The following NMT2 variants were observed in gnomAD, a reference collection of about 807,000 sequenced individuals.
NMT2 encodes glycylpeptide N-tetradecanoyltransferase 2.
Under a neutral mutation model 65.4 loss-of-function variants are expected in NMT2, and 35 were observed. The observed-to-expected ratio is 0.54, with a 90% CI of 0.41 to 0.71. The LOEUF is 0.71. NMT2 is among the 30% of genes least tolerant of loss of function. NMT2 has a pLI of 0.00. For missense variants in NMT2, 489 were observed against 611.3 expected (o/e 0.80, Z 2.11); for synonymous variants, 226 against 231.8 (o/e 0.98, Z 0.23).
chr10:15,114,528 A>G (rs1037412301), intron 9 of NMT2, among the ~76,000 whole-genome samples: 7 of 152,346 alleles, frequency 4.6e-5, no homozygotes, highest in African/African-American at 1.7e-4. Flanking sequence ...CTTATAAGCA[A>G]CTTCTAACAA....
intron 8 of NMT2, among the ~76,000 whole-genome samples, chr10:15,124,177 C>A (rs11817975): frequency 0.033 from 5,079 of 152,216 alleles, 147 homozygotes; most frequent in African/African-American, 0.071. Context: ...AGCTCATTGA[C>A]ACAGATGCGC....
At chr10:15,132,219 G>A (rs1463277231) in intron 6 of NMT2, among the ~76,000 whole-genome samples, 1 of 152,006 alleles carries the variant, frequency 6.6e-6, no homozygotes, top group Admixed American at 6.6e-5. Context: ...GAGATTGAGA[G>A]GCAGAGAGAG....
intron 1 of NMT2, among the ~76,000 whole-genome samples, chr10:15,161,019 C>T (rs1833170086): frequency 8.3e-6 from 1 of 120,790 alleles, no homozygotes; most frequent in Admixed American, 1.1e-4. Context: ...CACCTGAGGT[C>T]AAGGTCAGGA....
chr10:15,154,720 A>G, intron 1 of NMT2: 1 of 543,924 alleles, frequency 1.8e-6, no homozygotes. Flanking sequence ...GGATACTGCG[A>G]GCAAATGGGG....
At chr10:15,168,261 G>C (rs1833442917) in intron 1 of NMT2, 4 of 410,970 alleles carry the variant, frequency 9.7e-6, no homozygotes, top group Middle Eastern at 6.6e-4. Flanking sequence ...GCAAGTGACA[G>C]TAGCGTCTCC....
chr10:15,119,590 G>T (rs1845856456), intron 8 of NMT2, 77 bp from the exon 9 acceptor site: 2 of 1,269,108 alleles, frequency 1.6e-6, no homozygotes, highest in South Asian at 1.3e-5. Flanking sequence ...TCAAAGTGTG[G>T]TCTGCAGACC....
chr10:15,132,451 G>T (rs373410711), intron 6 of NMT2, among the ~76,000 whole-genome samples: 1 of 151,982 alleles, frequency 6.6e-6, no homozygotes, highest in East Asian at 1.9e-4. Context: ...TTTTGAGATG[G>T]AGTTTCGCTC....
intron 2 of NMT2, chr10:15,139,863 CTATATATATATATATATATATATATA>C (rs201561074): frequency 4.6e-4 from 32 of 69,630 alleles, no homozygotes; most frequent in South Asian, 1.5e-3. Context: ...GTAACAACTA[CTATATATATATATATATATATATATA>C]TATATATATA....
At chr10:15,145,941 G>C (rs1846949258) in intron 1 of NMT2, among the ~76,000 whole-genome samples, 1 of 152,092 alleles carries the variant, frequency 6.6e-6, no homozygotes, top group Non-Finnish European at 1.5e-5. Context: ...AGATACTGAA[G>C]GCAAATCCAG....
intron 8 of NMT2, among the ~76,000 whole-genome samples, chr10:15,122,273 T>C (rs1375597791): frequency 6.6e-6 from 1 of 152,144 alleles, no homozygotes; most frequent in African/African-American, 2.4e-5. Flanking sequence ...AAAAAAAAAT[T>C]TGCCAACTTC....
intron 9 of NMT2, among the ~76,000 whole-genome samples, chr10:15,117,868 A>G (rs1845796241): frequency 6.6e-6 from 1 of 152,260 alleles, no homozygotes; most frequent in Admixed American, 6.5e-5. Context: ...TGCTGATAAA[A>G]GAGATTTTAA....
intron 9 of NMT2, among the ~76,000 whole-genome samples, chr10:15,113,413 T>C (rs1182395648): frequency 1.6e-5 from 2 of 128,592 alleles, no homozygotes; most frequent in African/African-American, 6.3e-5. Context: ...GAGGTTGCAG[T>C]GAGCCAAGAT....
chr10:15,133,208 T>A, intron 4 of NMT2, 37 bp downstream of exon 4: 1 of 1,598,308 alleles, frequency 6.3e-7, no homozygotes, highest in Non-Finnish European at 8.6e-7. Flanking sequence ...AATGTGTGAA[T>A]GCAGGAGTTG....
chr10:15,116,753 C>G (rs1163031723), intron 9 of NMT2, among the ~76,000 whole-genome samples: 1 of 151,306 alleles, frequency 6.6e-6, no homozygotes, highest in African/African-American at 2.5e-5. Context: ...ACAGATCCCA[C>G]AGCCACTAAA....
chr10:15,128,929 T>C (rs910438698), intron 7 of NMT2, among the ~76,000 whole-genome samples: 4 of 152,068 alleles, frequency 2.6e-5, no homozygotes, highest in African/African-American at 9.7e-5. Flanking sequence ...CACTTGAACC[T>C]GGGAGGCAGA....
chr10:15,145,418 C>T (rs113923918), intron 1 of NMT2, among the ~76,000 whole-genome samples: 1 of 152,250 alleles, frequency 6.6e-6, no homozygotes, highest in Non-Finnish European at 1.5e-5. Context: ...CTCACTTTGT[C>T]GCCCAGGCTG....
At position 15,158,693 on chromosome 10, in the gene NMT2, C is replaced by T. The variant is rs1833086464; in HGVS notation, c.110+9810G>A. ...TCTGCAAACATGTTTTGAGGTGTGT[C>T]TTAGTTCAGCCTGCTATTACAGAAT... is the stretch of plus-strand genomic sequence containing the variant. On this transcript the variant is annotated intron_variant, in intron 1 of 11. Coordinates refer to ENST00000378165, the MANE Select transcript of NMT2 (RefSeq NM_004808.3). Among the ~76,000 whole-genome samples the T allele has an allele frequency of 2.0e-5, 3 of 152,166 alleles. No individual in the cohort carries two copies. The South Asian group carries it at 6.2e-4, about 32-fold the overall frequency.
intron 9 of NMT2, among the ~76,000 whole-genome samples, chr10:15,115,149 G>A (rs1449957449): frequency 6.6e-6 from 1 of 152,132 alleles, no homozygotes; most frequent in East Asian, 1.9e-4. Flanking sequence ...AATAATAAAA[G>A]AAGGAATCTT....
At chr10:15,162,980 G>A (rs1833253123) in intron 1 of NMT2, among the ~76,000 whole-genome samples, 2 of 151,680 alleles carry the variant, frequency 1.3e-5, no homozygotes. Context: ...TGCCCAGGCT[G>A]GAGTACAGTA....
Sources: allele counts gnomAD v4.1 joint callset (sites outside exome capture counted in the v4.1 genomes callset), GRCh38; gene constraint gnomAD v4.1.1; transcripts MANE v1.5; gene names NCBI Gene and HGNC (gene_info 2026-07-23, HGNC 2026-07-21).